Variants in PRKD1 observed in about 807,000 individuals in gnomAD.
The protein encoded by PRKD1 is serine/threonine-protein kinase D1.
In PRKD1, 63 loss-of-function variants were observed where a neutral mutation model predicts 95.9. That is an observed-to-expected ratio of 0.66 (90% CI 0.54 to 0.81). The LOEUF is 0.81. PRKD1 is among the 30% of genes least tolerant of loss of function. PRKD1 has a pLI of 0.00. For synonymous variants in PRKD1, 425 were observed against 423.1 expected (o/e 1.00, Z -0.05); for missense variants, 1,048 against 1,165.3 (o/e 0.90, Z 1.47).
chr14:29,906,563 A>T (rs1894504762), intron 1 of PRKD1, among the ~76,000 whole-genome samples: 1 of 152,226 alleles, frequency 6.6e-6, no homozygotes, highest in Admixed American at 6.5e-5. Flanking sequence ...TGACTTAAGA[A>T]ATTCAGAGCA....
At chr14:29,894,258 T>C (rs1046931569) in intron 1 of PRKD1, among the ~76,000 whole-genome samples, 1 of 152,148 alleles carries the variant, frequency 6.6e-6, no homozygotes, top group Non-Finnish European at 1.5e-5. Flanking sequence ...GAAAGGCAAC[T>C]GTCAAAGCCA....
intron 1 of PRKD1, among the ~76,000 whole-genome samples, chr14:29,867,467 C>T (rs1344935653): frequency 6.6e-6 from 1 of 152,138 alleles, no homozygotes; most frequent in Non-Finnish European, 1.5e-5. Context: ...CATCTGTGCA[C>T]AGAAAGGTGG....
At chr14:29,879,338 C>A (rs1893418894) in intron 1 of PRKD1, among the ~76,000 whole-genome samples, 1 of 152,226 alleles carries the variant, frequency 6.6e-6, no homozygotes, top group Non-Finnish European at 1.5e-5. Flanking sequence ...CCGTGCTATT[C>A]TTGTGATAGT....
chr14:29,737,221 C>T (rs1041605086), intron 1 of PRKD1, among the ~76,000 whole-genome samples: 2 of 147,948 alleles, frequency 1.4e-5, no homozygotes, highest in Non-Finnish European at 3.0e-5. Context: ...ACTGGGGAGG[C>T]TGAGGCAGGA....
chr14:29,710,373 C>T (rs1178793632), intron 2 of PRKD1, among the ~76,000 whole-genome samples: 1 of 152,008 alleles, frequency 6.6e-6, no homozygotes, highest in Non-Finnish European at 1.5e-5. Context: ...ATATCATGTA[C>T]CCCTATGTGA....
Position 29,576,789 on chromosome 14 carries a change from C to G in PRKD1, c.*449G>C, listed in dbSNP as rs541362299. 5.8e-6 allele frequency: 1 copy of G among 173,782 alleles called. No homozygotes were observed. Among genetic ancestry groups the G allele is most frequent in the East Asian group, 1.4e-4 (1 of 7,208 alleles). 10.8% of individuals were successfully genotyped at this position (173,782 alleles called of 1,614,324 possible). On this transcript the variant is annotated 3_prime_UTR_variant, in exon 18 of 18. Transcript: ENST00000331968. The stretch of plus-strand genomic sequence containing the variant: ...ACCCTCCTCATTCATTTTTTTCCCA[C>G]ATGGGTTTTGGAGTTGTTCATAGAA...
At chr14:29,911,099 G>T (rs931876822) in intron 1 of PRKD1, among the ~76,000 whole-genome samples, 1 of 152,038 alleles carries the variant, frequency 6.6e-6, no homozygotes, top group African/African-American at 2.4e-5. Context: ...TGTGTGTGTG[G>T]TATCGGAATA....
chr14:29,780,739 C>G (rs1889005347), intron 1 of PRKD1, among the ~76,000 whole-genome samples: 1 of 152,116 alleles, frequency 6.6e-6, no homozygotes, highest in African/African-American at 2.4e-5. Flanking sequence ...GGTGATTTCT[C>G]AAGGATCTAG....
intron 1 of PRKD1, among the ~76,000 whole-genome samples, chr14:29,735,143 T>C (rs912490043): frequency 1.3e-5 from 2 of 152,232 alleles, no homozygotes; most frequent in East Asian, 3.8e-4. Context: ...AGTAATATTG[T>C]CTACTTAATA....
chr14:29,780,752 C>G (rs1889006143), intron 1 of PRKD1, among the ~76,000 whole-genome samples: 1 of 152,130 alleles, frequency 6.6e-6, no homozygotes, highest in Non-Finnish European at 1.5e-5. Flanking sequence ...GGATCTAGAA[C>G]TAGAAATACC....
intron 4 of PRKD1, among the ~76,000 whole-genome samples, chr14:29,650,039 G>A (rs1881389826): frequency 6.6e-6 from 1 of 152,118 alleles, no homozygotes; most frequent in African/African-American, 2.4e-5. Context: ...TTCCTGGTTG[G>A]GGTAGCGAGC....
chr14:29,624,337 T>C, intron 12 of PRKD1, 79 bp from the exon 13 acceptor site: 2 of 938,244 alleles, frequency 2.1e-6, no homozygotes, highest in Non-Finnish European at 3.2e-6. Flanking sequence ...TGCAAGGACA[T>C]TTAAAGAAAT....
chr14:29,625,274 T>C (rs1452954126), intron 12 of PRKD1, among the ~76,000 whole-genome samples: 1 of 152,220 alleles, frequency 6.6e-6, no homozygotes, highest in African/African-American at 2.4e-5. Flanking sequence ...AAGTACTTTT[T>C]TCAAGGCCAT....
In PRKD1 at chr14:29,677,473, C is replaced by T. The variant is rs142804066; in HGVS notation, c.404-11265G>A. ...AAATAAGTATCACTTTGTCCTTCTC[C>T]AATATTTCTACTTCATTTCATTTTG... On this transcript the variant is annotated intron_variant, in intron 2 of 17. Transcript: ENST00000331968. Among the ~76,000 whole-genome samples, 498 of 152,168 alleles carry T rather than the reference C, an allele frequency of 3.3e-3. 2 individuals carry two copies. The highest frequency in any genetic ancestry group is 0.011 in the African/African-American group (466 of 41,514).
intron 7 of PRKD1, among the ~76,000 whole-genome samples, chr14:29,635,512 C>G (rs188563124): frequency 6.6e-6 from 1 of 152,164 alleles, no homozygotes. Flanking sequence ...TATTGCTCTA[C>G]TCTCATGAAC....
At chr14:29,647,694 G>T (rs955740737) in intron 4 of PRKD1, among the ~76,000 whole-genome samples, 4 of 152,174 alleles carry the variant, frequency 2.6e-5, no homozygotes, top group African/African-American at 9.7e-5. Context: ...ACAGTCCTAG[G>T]CCACAAAGGT....
chr14:29,807,826 A>G (rs760268911), intron 1 of PRKD1, among the ~76,000 whole-genome samples: 5 of 151,458 alleles, frequency 3.3e-5, no homozygotes, highest in Non-Finnish European at 5.9e-5. Context: ...GGTTCAAGCA[A>G]TTCTCATGCC....
intron 1 of PRKD1, among the ~76,000 whole-genome samples, chr14:29,821,645 C>A (rs45561235): frequency 1.6e-3 from 238 of 152,226 alleles, no homozygotes; most frequent in African/African-American, 5.5e-3. Context: ...ACATTCAGGG[C>A]TTATAAAGCA....
chr14:29,717,726 G>A (rs1174610574), intron 2 of PRKD1, among the ~76,000 whole-genome samples: 3 of 151,982 alleles, frequency 2.0e-5, no homozygotes, highest in Non-Finnish European at 4.4e-5. Context: ...TTATTTAAAA[G>A]TATACAGCAT....
Sources: allele counts gnomAD v4.1 joint callset (sites outside exome capture counted in the v4.1 genomes callset), GRCh38; gene constraint gnomAD v4.1.1; transcripts MANE v1.5; gene names NCBI Gene and HGNC (gene_info 2026-07-23, HGNC 2026-07-21).